The following WDFY4 variants were observed in gnomAD, a reference collection of about 807,000 sequenced individuals.
The protein encoded by WDFY4 is WD repeat- and FYVE domain-containing protein 4.
Under a neutral mutation model 351.9 loss-of-function variants are expected in WDFY4, and 169 were observed. That is an observed-to-expected ratio of 0.48 (90% confidence interval 0.42 to 0.55). WDFY4 has a LOEUF of 0.55. Ranked by LOEUF, WDFY4 falls within the 20% of genes least tolerant of loss-of-function variation. The probability of loss-of-function intolerance (pLI) is 0.00; values close to 1 mark genes in which losing one functional copy is unlikely to be tolerated. For missense variants in WDFY4, 3,803 were observed against 3,935.6 expected, an observed-to-expected ratio of 0.97 and a Z score of 0.90; for synonymous variants, 1,622 against 1,574.6, an observed-to-expected ratio of 1.03 and a Z score of -0.71.
intron 8 of WDFY4, 36 bp downstream of exon 8, chr10:48,729,625 C>G: frequency 6.5e-7 from 1 of 1,548,110 alleles, no homozygotes; most frequent in Non-Finnish European, 8.7e-7. Context: ...CCGGAAGAGT[C>G]AGTGCTGAGC....
intron 39 of WDFY4, among the ~76,000 whole-genome samples, chr10:48,858,724 G>A (rs1268130001): frequency 6.6e-6 from 1 of 152,048 alleles, no homozygotes; most frequent in East Asian, 1.9e-4. Flanking sequence ...TTGGAAACTC[G>A]TCTGTATCTA....
intron 47 of WDFY4, among the ~76,000 whole-genome samples, chr10:48,920,144 T>A (rs1411891656): frequency 6.6e-6 from 1 of 152,140 alleles, no homozygotes; most frequent in African/African-American, 2.4e-5. Flanking sequence ...GATCTTATAA[T>A]TGATGCAGAA....
chr10:48,786,092 T>G (rs1295089116), intron 19 of WDFY4, among the ~76,000 whole-genome samples: 1 of 152,196 alleles, frequency 6.6e-6, no homozygotes, highest in Non-Finnish European at 1.5e-5. Flanking sequence ...TTCATTTTCT[T>G]GTGCATAATT....
Position 48,687,603 on chromosome 10 carries a change from A to T in WDFY4, c.-18+2602A>T, listed in dbSNP as rs532275838. Among the ~76,000 whole-genome samples, 5 of 140,844 alleles carry T rather than the reference A, an allele frequency of 3.6e-5. No homozygotes were observed. In the East Asian group the frequency reaches 1.0e-3, roughly 28 times the overall value. 92.4% of individuals were successfully genotyped at this position (140,844 alleles called of 152,430 possible). On this transcript the variant is annotated intron_variant, in intron 1 of 61. Coordinates refer to ENST00000325239, the MANE Select transcript of WDFY4 (RefSeq NM_001394531.1). The stretch of plus-strand genomic sequence containing the variant: ...AGAGTCTTGGCACCATTTATTTAAT[A>T]GGCCATTCTTTTTTTTTTTTTTTTT...
intron 58 of WDFY4, among the ~76,000 whole-genome samples, chr10:48,975,785 G>T (rs1842542256): frequency 6.6e-6 from 1 of 152,126 alleles, no homozygotes; most frequent in African/African-American, 2.4e-5. Flanking sequence ...CGGGTGGATA[G>T]ATGAGTGGAT....
intron 47 of WDFY4, among the ~76,000 whole-genome samples, chr10:48,935,883 T>C (rs2133716833): frequency 6.8e-6 from 1 of 147,052 alleles, no homozygotes; most frequent in South Asian, 2.3e-4. Context: ...GCTGAAATTA[T>C]CTATTTGTGC....
rs1048041761 is a variant in WDFY4, at chr10:48,745,763, C to T, written c.2459+2215C>T. 5 of 498,196 alleles carry T rather than the reference C, an allele frequency of 1.0e-5. No homozygotes were observed. The East Asian group carries it at 2.1e-4, about 21-fold the overall frequency. 30.9% of individuals were successfully genotyped at this position (498,196 alleles called of 1,614,324 possible). ...AACTCTCTTGTGGGCTTCAGATGCACAGCCTTGCGGGCAGCAGAAACACCC... is the reference window on the plus strand; with the variant it reads ...AACTCTCTTGTGGGCTTCAGATGCATAGCCTTGCGGGCAGCAGAAACACCC... On this transcript the variant is annotated intron_variant, in intron 12 of 61. Transcript: ENST00000325239.
intron 1 of WDFY4, among the ~76,000 whole-genome samples, chr10:48,700,337 A>G (rs1414380193): frequency 6.6e-6 from 1 of 152,200 alleles, no homozygotes; most frequent in Non-Finnish European, 1.5e-5. Context: ...CACATCCTGC[A>G]GGAGCTCCAA....
In WDFY4 at chr10:48,803,364, G is replaced by A; in HGVS notation, c.4484+5G>A. 1 of 1,551,836 alleles carries A rather than the reference G, an allele frequency of 6.4e-7. No individual in the cohort carries two copies. The highest frequency in any genetic ancestry group is 1.4e-5 in the African/African-American group (1 of 73,158). The stretch of plus-strand genomic sequence containing the variant: ...GGAAATCCTTCAATCACCAAGGTAG[G>A]CTGGGTCTTGGCAGCCTGGGGGTTA... On this transcript the variant is annotated splice_donor_5th_base_variant and intron_variant, in intron 25 of 61. Coordinates refer to ENST00000325239, the MANE Select transcript of WDFY4 (RefSeq NM_001394531.1).
chr10:48,692,553 G>A (rs2063223099), intron 1 of WDFY4, among the ~76,000 whole-genome samples: 1 of 152,212 alleles, frequency 6.6e-6, no homozygotes, highest in African/African-American at 2.4e-5. Context: ...ATAATCGATA[G>A]AGACTTTGAA....
At position 48,759,710 on chromosome 10, in the gene WDFY4, C is replaced by T. The variant is rs1389522766; in HGVS notation, c.2460-637C>T. Reference sequence around the variant, plus strand: ...GAAACAGAGGACTTCTCTTGGAGCTCTTTCCATCATGTCTACACCTTGTGC... The same window carrying T: ...GAAACAGAGGACTTCTCTTGGAGCTTTTTCCATCATGTCTACACCTTGTGC... On this transcript the variant is annotated intron_variant, in intron 12 of 61. Transcript: ENST00000325239. Among the ~76,000 whole-genome samples, 4 of 152,320 alleles carry T rather than the reference C, an allele frequency of 2.6e-5. No individual in the cohort carries two copies. The East Asian group carries it at 7.7e-4, about 29-fold the overall frequency.
intron 11 of WDFY4, among the ~76,000 whole-genome samples, chr10:48,741,526 A>G (rs1373156722): frequency 2.0e-5 from 3 of 151,500 alleles, no homozygotes; most frequent in Non-Finnish European, 4.4e-5. Context: ...GTGACCTGTA[A>G]CTTTACTAAG....
intron 1 of WDFY4, among the ~76,000 whole-genome samples, chr10:48,690,336 A>T (rs2136297767): frequency 6.6e-6 from 1 of 152,344 alleles, no homozygotes; most frequent in South Asian, 2.1e-4. Context: ...AATGCAATCA[A>T]ATCATTTTCA....
chr10:48,918,477 T>G (rs898087898), intron 47 of WDFY4, among the ~76,000 whole-genome samples: 1 of 152,158 alleles, frequency 6.6e-6, no homozygotes, highest in African/African-American at 2.4e-5. Flanking sequence ...TTACAGGAAG[T>G]AAGACCATTA....
At chr10:48,897,366 C>A in intron 44 of WDFY4, 88 bp from the exon 45 acceptor site, 1 of 1,493,482 alleles carries the variant, frequency 6.7e-7, no homozygotes, top group Non-Finnish European at 9.0e-7. Context: ...GTGGGTGGAG[C>A]TGGTGGAGGG....
intron 2 of WDFY4, among the ~76,000 whole-genome samples, chr10:48,717,770 A>T (rs900033255): frequency 6.6e-6 from 1 of 152,242 alleles, no homozygotes; most frequent in Non-Finnish European, 1.5e-5. Context: ...GTATCCTATT[A>T]TATAAATATA....
Position 48,743,516 on chromosome 10 carries a change from C to T in WDFY4, c.2427C>T (p.Arg809=), listed in dbSNP as rs2064920185. 1 of 1,538,658 alleles carries T rather than the reference C, an allele frequency of 6.5e-7. No homozygotes were observed. Among genetic ancestry groups the T allele is most frequent in the South Asian group, 1.2e-5 (1 of 84,040 alleles). Residue 809 remains arginine (R), a synonymous_variant, in exon 12 of 62, where the codon CGC becomes CGT. Coordinates refer to ENST00000325239, the MANE Select transcript of WDFY4 (RefSeq NM_001394531.1). Reference sequence around the variant, plus strand: ...GAGAAACTGGCAGTGACCCCCAACGCAACTTCAAGCAGTGGCCAGACCTGG... The same window carrying T: ...GAGAAACTGGCAGTGACCCCCAACGTAACTTCAAGCAGTGGCCAGACCTGG... ...QKGETGSDPQ[R]NFKQWPDLEE...
intron 40 of WDFY4, 35 bp from the exon 41 acceptor site, chr10:48,873,456 A>G (rs763555717): frequency 8.6e-6 from 13 of 1,507,188 alleles, no homozygotes; most frequent in African/African-American, 1.4e-5. Flanking sequence ...CCATAAGGCA[A>G]ATGTATCCAG....
rs1447251541 is a variant in WDFY4, at chr10:48,727,506, C to T, written c.818C>T (p.Ser273Phe). The T allele has an allele frequency of 1.9e-6, 3 of 1,551,658 alleles. No individual in the cohort carries two copies. Among genetic ancestry groups the T allele is most frequent in the Non-Finnish European group, 2.6e-6 (3 of 1,147,020 alleles). ...GTCAGGCTCTCCCTCCAGAACCTCT[C>T]CAGGCTCACGGACACTCTCCCTGCC... ...DCVRLSLQNL[S>F]RLTDTLPAPE... Residue 273 changes from serine (S) to phenylalanine (F), a missense_variant, in exon 7 of 62, where the codon TCC becomes TTC. Ser to Phe is a radical substitution (Grantham distance 155, BLOSUM62 -2). Around this residue, in one of 3 missense-constraint regions of WDFY4, gnomAD observed 488 missense variants for 456.8 expected, o/e 1.07. Coordinates refer to ENST00000325239, the MANE Select transcript of WDFY4 (RefSeq NM_001394531.1).
Sources: allele counts gnomAD v4.1 joint callset (sites outside exome capture counted in the v4.1 genomes callset), GRCh38; gene constraint gnomAD v4.1.1; regional missense constraint gnomAD v4.1.1; transcripts MANE v1.5; gene names NCBI Gene and HGNC (gene_info 2026-07-23, HGNC 2026-07-21).